The following TFEC variants were observed in gnomAD, a reference collection of about 807,000 sequenced individuals.
TFEC encodes the protein transcription factor EC.
A neutral mutation model predicts 41.6 loss-of-function variants in TFEC; 31 were observed. That is an observed-to-expected ratio of 0.74 (90% CI 0.56 to 1.01). TFEC has a LOEUF of 1.01. TFEC is among the 50% of genes least tolerant of loss of function. The probability of loss-of-function intolerance (pLI) is 0.00; values close to 1 mark genes in which losing one functional copy is unlikely to be tolerated. For missense variants in TFEC, 402 were observed against 404.1 expected (o/e 0.99, Z 0.04); for synonymous variants, 143 against 140.6 (o/e 1.02, Z -0.12).
intron 3 of TFEC, among the ~76,000 whole-genome samples, chr7:116,047,529 C>G (rs1475325236): frequency 6.6e-6 from 1 of 152,182 alleles, no homozygotes; most frequent in Admixed American, 6.5e-5. Flanking sequence ...GAGCCCACCG[C>G]AGCTCAAGGA....
chr7:116,049,862 C>G (rs958640781), intron 3 of TFEC, among the ~76,000 whole-genome samples: 1 of 152,142 alleles, frequency 6.6e-6, no homozygotes, highest in Non-Finnish European at 1.5e-5. Flanking sequence ...AACTGAACAA[C>G]CTGCTCCTGA....
chr7:116,012,865 T>C (rs1459854268), intron 1 of TFEC, among the ~76,000 whole-genome samples: 1 of 151,292 alleles, frequency 6.6e-6, no homozygotes, highest in East Asian at 1.9e-4. Context: ...TCAAATGGTC[T>C]TATACTATCT....
Position 116,003,501 on chromosome 7 carries a change from G to A in TFEC, c.-72-18988C>T, listed in dbSNP as rs952516742. Among the ~76,000 whole-genome samples, 16 of 151,996 alleles carry A rather than the reference G, an allele frequency of 1.1e-4. 1 individual carries two copies. The highest frequency in any genetic ancestry group is 1.9e-4 in the Non-Finnish European group (13 of 67,948). The stretch of plus-strand genomic sequence containing the variant: ...CAAAACACATGATCCAAAAACACAG[G>A]GAACGGCAAGGAGATAGAAATGAGT... On this transcript the variant is annotated intron_variant, in intron 1 of 7. Transcript: ENST00000265440.
At chr7:116,156,801 T>A (rs778851167) in intron 1 of TFEC, among the ~76,000 whole-genome samples, 6 of 152,190 alleles carry the variant, frequency 3.9e-5, no homozygotes, top group Non-Finnish European at 7.4e-5. Context: ...CATACCTTCA[T>A]CTCCTCATCT....
intron 3 of TFEC, among the ~76,000 whole-genome samples, chr7:116,045,031 G>A (rs56378739): frequency 0.18 from 27,239 of 152,154 alleles, 2,488 homozygotes; most frequent in East Asian, 0.32. Context: ...CCAGTAGAGT[G>A]GGGCATTGCT....
At chr7:115,991,428 G>A (rs1209853571) in intron 1 of TFEC, among the ~76,000 whole-genome samples, 1 of 152,138 alleles carries the variant, frequency 6.6e-6, no homozygotes, top group Non-Finnish European at 1.5e-5. Flanking sequence ...GACACAGACT[G>A]GCAAATTGGA....
exon 3 of TFEC, chr7:116,110,775 G>A: frequency 6.5e-7 from 1 of 1,546,646 alleles, no homozygotes; most frequent in Non-Finnish European, 8.7e-7. Context: ...ATGCAACACT[G>A]GTTTGTATGA....
chr7:116,059,256 A>T (rs1217140222), intron 3 of TFEC, among the ~76,000 whole-genome samples: 1 of 151,832 alleles, frequency 6.6e-6, no homozygotes, highest in Non-Finnish European at 1.5e-5. Flanking sequence ...CAAAACTTAA[A>T]TTTTTTTGAC....
At chr7:116,081,420 T>G (rs960781542) in intron 3 of TFEC, among the ~76,000 whole-genome samples, 3 of 152,104 alleles carry the variant, frequency 2.0e-5, no homozygotes, top group African/African-American at 7.2e-5. Context: ...ATGAACTTCT[T>G]CAGCTGTCCG....
intron 1 of TFEC, among the ~76,000 whole-genome samples, chr7:116,008,082 G>T (rs1392514931): frequency 6.6e-6 from 1 of 152,158 alleles, no homozygotes; most frequent in East Asian, 1.9e-4. Flanking sequence ...CAAAGAACCT[G>T]GGAGGAGATA....
chr7:116,072,596 A>G (rs79942720), intron 3 of TFEC, among the ~76,000 whole-genome samples: 19,162 of 151,610 alleles, frequency 0.13, 1,335 homozygotes, highest in Middle Eastern at 0.17. Flanking sequence ...TCTTAAAGAT[A>G]CATATTATTT....
At chr7:116,105,030 T>C (rs1259787352) in intron 3 of TFEC, among the ~76,000 whole-genome samples, 1 of 152,220 alleles carries the variant, frequency 6.6e-6, no homozygotes, top group Non-Finnish European at 1.5e-5. Context: ...ATACATCTCT[T>C]GGTATTTTTT....
In TFEC at chr7:116,009,827, G is replaced by C. The variant is rs560122790; in HGVS notation, c.-73+20806C>G. 8.2e-4 allele frequency among the ~76,000 whole-genome samples: 125 copies of C among 152,220 alleles called. 2 individuals are homozygous for C. The South Asian group carries it at 0.023, about 28-fold the overall frequency. On this transcript the variant is annotated intron_variant, in intron 1 of 7. Coordinates refer to ENST00000265440, the MANE Select transcript of TFEC (RefSeq NM_012252.4). The stretch of plus-strand genomic sequence containing the variant: ...GGTCTCTCTCCTCATGTAGCTTATG[G>C]GCAGGTGGAAGAGACAGATTTTAAT...
intron 3 of TFEC, among the ~76,000 whole-genome samples, chr7:116,059,003 T>C (rs1477558900): frequency 6.6e-6 from 1 of 151,224 alleles, no homozygotes; most frequent in Admixed American, 6.6e-5. Context: ...ATAGATTAAA[T>C]CCAAAGTAAG....
chr7:115,951,850 ATC>A (rs1260494577), intron 5 of TFEC, among the ~76,000 whole-genome samples: 2 of 152,032 alleles, frequency 1.3e-5, no homozygotes, highest in African/African-American at 4.8e-5. Flanking sequence ...TACAATATAT[ATC>A]TGTCAAATTT....
chr7:116,054,309 A>G (rs1344869479), intron 3 of TFEC, among the ~76,000 whole-genome samples: 1 of 152,140 alleles, frequency 6.6e-6, no homozygotes, highest in African/African-American at 2.4e-5. Context: ...GGAGAGTGGA[A>G]GGCTTGAAAT....
At chr7:116,101,345 A>G (rs1797600719) in intron 3 of TFEC, among the ~76,000 whole-genome samples, 1 of 152,150 alleles carries the variant, frequency 6.6e-6, no homozygotes, top group Non-Finnish European at 1.5e-5. Flanking sequence ...CAATAAGAGA[A>G]TCAAAGAAAG....
intron 3 of TFEC, among the ~76,000 whole-genome samples, chr7:115,963,174 G>T (rs569787313): frequency 7.2e-5 from 11 of 151,804 alleles, no homozygotes; most frequent in African/African-American, 2.7e-4. Flanking sequence ...CAAAAGACTT[G>T]AATAGACATT....
chr7:116,086,579 C>G (rs888939821), intron 3 of TFEC, among the ~76,000 whole-genome samples: 3 of 151,448 alleles, frequency 2.0e-5, no homozygotes, highest in Admixed American at 1.3e-4. Flanking sequence ...AGTACCCCCC[C>G]ACTGTTTTCC....
Sources: allele counts gnomAD v4.1 joint callset (sites outside exome capture counted in the v4.1 genomes callset), GRCh38; gene constraint gnomAD v4.1.1; transcripts MANE v1.5; gene names NCBI Gene and HGNC (gene_info 2026-07-23, HGNC 2026-07-21).